Variants in PNOC observed in about 807,000 individuals in gnomAD.
The protein encoded by PNOC is prepronociceptin.
In PNOC, 10 loss-of-function variants were observed where a neutral mutation model predicts 15.6. The observed-to-expected ratio is 0.64, with a 90% confidence interval of 0.40 to 1.09. The LOEUF (loss-of-function observed/expected upper bound fraction) is 1.09, where lower values mean the gene tolerates loss of function less well. PNOC is among the 50% of genes least tolerant of loss of function. PNOC has a pLI of 0.01. For missense variants in PNOC, 220 were observed against 223.9 expected (o/e 0.98, Z 0.11); for synonymous variants, 98 against 88.5 (o/e 1.11, Z -0.60).
At chr8:28,320,286 T>C (rs1165523324) in intron 1 of PNOC, among the ~76,000 whole-genome samples, 1 of 151,494 alleles carries the variant, frequency 6.6e-6, no homozygotes, top group Non-Finnish European at 1.5e-5. Context: ...GCCTGCAATC[T>C]TCCCCCCACC....
chr8:28,322,603 C>T (rs1026487093), intron 1 of PNOC, among the ~76,000 whole-genome samples: 3 of 152,302 alleles, frequency 2.0e-5, no homozygotes, highest in Admixed American at 2.0e-4. Context: ...GCACTTACCC[C>T]ATAGGGTGAT....
chr8:28,333,354 T>G (rs931196436), intron 2 of PNOC, among the ~76,000 whole-genome samples: 3 of 152,248 alleles, frequency 2.0e-5, no homozygotes, highest in African/African-American at 7.2e-5. Context: ...AGACTCCAGA[T>G]GCCCATACGC....
chr8:28,318,180 A>G (rs777490467), intron 1 of PNOC, among the ~76,000 whole-genome samples: 84 of 152,000 alleles, frequency 5.5e-4, no homozygotes, highest in Non-Finnish European at 9.3e-4. Context: ...CTCTCCCTCG[A>G]GTCTTGCTTC....
Position 28,343,069 on chromosome 8 carries a change from T to C in PNOC, c.*175T>C. The C allele has an allele frequency of 1.2e-6, 1 of 838,568 alleles. No homozygotes were observed. The highest frequency in any genetic ancestry group is 1.4e-6 in the Non-Finnish European group (1 of 695,290). The allele number at this position is 838,568 out of a possible 1,614,324, so 51.9% of individuals were successfully genotyped here. On this transcript the variant is annotated 3_prime_UTR_variant, in exon 4 of 4. Transcript: ENST00000301908. ...CAGGCTTCGTTTGCCTCCAGAACCT[T>C]CCCGTCTGATTGTTCCTCCCCAGCC... is the stretch of plus-strand genomic sequence containing the variant.
intron 1 of PNOC, among the ~76,000 whole-genome samples, chr8:28,325,177 C>T (rs1045783149): frequency 3.3e-5 from 5 of 152,138 alleles, no homozygotes; most frequent in Non-Finnish European, 4.4e-5. Context: ...ATGGGGCCCC[C>T]GAGGCTCGCT....
chr8:28,339,847 T>A (rs1407217503), intron 3 of PNOC: 1 of 161,822 alleles, frequency 6.2e-6, no homozygotes, highest in Non-Finnish European at 1.3e-5. Context: ...TTCCTCGAGA[T>A]TGTCTCTCTA....
intron 1 of PNOC, among the ~76,000 whole-genome samples, chr8:28,327,392 T>C (rs1246606184): frequency 6.6e-6 from 1 of 152,224 alleles, no homozygotes; most frequent in African/African-American, 2.4e-5. Context: ...TATCTTGGAA[T>C]AGTTTCTTTG....
chr8:28,333,320 A>G (rs183453002), intron 2 of PNOC, among the ~76,000 whole-genome samples: 2 of 152,292 alleles, frequency 1.3e-5, no homozygotes, highest in African/African-American at 4.8e-5. Flanking sequence ...GCCCAGCTTT[A>G]CAGATGAATT....
intron 3 of PNOC, among the ~76,000 whole-genome samples, chr8:28,342,516 C>T (rs1008795589): frequency 6.6e-6 from 1 of 152,206 alleles, no homozygotes; most frequent in Non-Finnish European, 1.5e-5. Flanking sequence ...TTCCTCTTTT[C>T]TGCTACCCTT....
intron 1 of PNOC, among the ~76,000 whole-genome samples, chr8:28,326,073 C>T (rs893295669): frequency 6.6e-6 from 1 of 152,136 alleles, no homozygotes; most frequent in Admixed American, 6.5e-5. Flanking sequence ...GTTCATTGGC[C>T]AGGTGCAGTG....
intron 2 of PNOC, among the ~76,000 whole-genome samples, chr8:28,331,742 C>T (rs185521153): frequency 2.6e-5 from 4 of 152,316 alleles, no homozygotes; most frequent in Non-Finnish European, 5.9e-5. Flanking sequence ...TGCACTGATT[C>T]TCCACCCACC....
At chr8:28,330,396 A>ATTTTTTTTTT (rs67554549) in intron 2 of PNOC, among the ~76,000 whole-genome samples, 9 of 80,452 alleles carry the variant, frequency 1.1e-4, no homozygotes, top group African/African-American at 3.5e-4. Context: ...ATTTTATTTT[A>ATTTTTTTTTT]TTTTTTTTTT....
intron 1 of PNOC, among the ~76,000 whole-genome samples, chr8:28,324,643 C>G (rs1801196223): frequency 1.3e-5 from 2 of 152,296 alleles, no homozygotes; most frequent in African/African-American, 4.8e-5. Context: ...GCGGGAGGAT[C>G]ACCTGAGGTC....
At chr8:28,328,200 T>A (rs1801258591) in intron 1 of PNOC, among the ~76,000 whole-genome samples, 1 of 150,948 alleles carries the variant, frequency 6.6e-6, no homozygotes, top group Non-Finnish European at 1.5e-5. Flanking sequence ...CCCAAGTAGC[T>A]AGGATTACAA....
chr8:28,324,858 G>A (rs915952593), intron 1 of PNOC, among the ~76,000 whole-genome samples: 1 of 152,090 alleles, frequency 6.6e-6, no homozygotes, highest in Non-Finnish European at 1.5e-5. Context: ...GTGAAACATC[G>A]TCTCAAAAAA....
In PNOC at chr8:28,320,088, CTTTCTTTTTTTTTTTT is replaced by C. The variant is rs1406032486; in HGVS notation, c.-24+2776_-24+2791del. Among the ~76,000 whole-genome samples the C allele has an allele frequency of 6.4e-3, 173 of 27,164 alleles. 1 individual carries two copies. The highest frequency in any genetic ancestry group is 0.013 in the African/African-American group (156 of 12,442). 17.8% of individuals were successfully genotyped at this position (27,164 alleles called of 152,430 possible). On this transcript the variant is annotated intron_variant, in intron 1 of 3. Transcript: ENST00000301908. ...TTTTTGTTTGTTTCTTTCTTTCTTTCTTTCTTTTTTTTTTTTTTTTTTTTTTTTTTTTTCAAAATAC... is the reference window on the plus strand; with the variant it reads ...TTTTTGTTTGTTTCTTTCTTTCTTTCTTTTTTTTTTTTTTTTTCAAAATAC...
At chr8:28,325,788 A>G (rs1270565326) in intron 1 of PNOC, among the ~76,000 whole-genome samples, 1 of 151,986 alleles carries the variant, frequency 6.6e-6, no homozygotes, top group East Asian at 1.9e-4. Flanking sequence ...GGAGTTGGTC[A>G]GTGCTAAGTC....
chr8:28,319,338 G>A (rs1321538565), intron 1 of PNOC, among the ~76,000 whole-genome samples: 1 of 152,132 alleles, frequency 6.6e-6, no homozygotes, highest in African/African-American at 2.4e-5. Flanking sequence ...AGAGGACCAT[G>A]CAAGGCAGGG....
At chr8:28,321,285 C>A (rs774980716) in intron 1 of PNOC, among the ~76,000 whole-genome samples, 24 of 144,306 alleles carry the variant, frequency 1.7e-4, no homozygotes, top group Admixed American at 5.2e-4. Flanking sequence ...TGGGCTCAAG[C>A]GTCCTAAGTT....
Sources: allele counts gnomAD v4.1 joint callset (sites outside exome capture counted in the v4.1 genomes callset), GRCh38; gene constraint gnomAD v4.1.1; transcripts MANE v1.5; gene names NCBI Gene and HGNC (gene_info 2026-07-23, HGNC 2026-07-21).